Variants in HTR1F observed in about 807,000 individuals in gnomAD.
HTR1F encodes 5-hydroxytryptamine receptor 1F.
Under a neutral mutation model 24.0 loss-of-function variants are expected in HTR1F, and 17 were observed. The ratio of observed to expected loss-of-function variants is 0.71; its 90% confidence interval spans 0.48 to 1.06. The LOEUF is 1.06. Among genes scored for constraint, HTR1F ranks in the 50% least tolerant of loss-of-function variants. The pLI is 0.00. For missense variants in HTR1F, 391 were observed against 427.8 expected (o/e 0.91, Z 0.76); for synonymous variants, 186 against 156.8 (o/e 1.19, Z -1.39).
rs60414125 is a variant in HTR1F, at chr3:87,832,316, C to CTT, written c.-43+10210_-43+10211dup. Among the ~76,000 whole-genome samples, 91 of 125,510 alleles carry CTT rather than the reference C, an allele frequency of 7.3e-4. 1 individual carries two copies. The highest frequency in any genetic ancestry group is 1.1e-3 in the Non-Finnish European group (68 of 60,432). 82.3% of individuals were successfully genotyped at this position (125,510 alleles called of 152,430 possible). ...AAACACACACATAAGAATATCCCTT[C>CTT]TTTTTTTTTTTTTTTTTTTCTTTTT... On this transcript the variant is annotated intron_variant, in intron 2 of 2. Coordinates refer to ENST00000319595, the MANE Select transcript of HTR1F (RefSeq NM_001322209.2).
chr3:87,928,399 A>C (rs1307796176), intron 2 of HTR1F, among the ~76,000 whole-genome samples: 14 of 152,106 alleles, frequency 9.2e-5, no homozygotes, highest in Non-Finnish European at 1.5e-5. Context: ...TGAATTGAAC[A>C]TTTTATTTGG....
chr3:87,874,453 A>T (rs1705625512), intron 2 of HTR1F, among the ~76,000 whole-genome samples: 1 of 152,158 alleles, frequency 6.6e-6, no homozygotes, highest in South Asian at 2.1e-4. Flanking sequence ...AGACTTGTAC[A>T]TGGAAAACTA....
rs1705106223 is a variant in HTR1F, at chr3:87,963,554, TC to T, written c.-42-27152del. Among the ~76,000 whole-genome samples, 4 of 152,140 alleles carry T rather than the reference TC, an allele frequency of 2.6e-5. No homozygotes were observed. The East Asian group carries it at 7.7e-4, about 29-fold the overall frequency. On this transcript the variant is annotated intron_variant, in intron 2 of 2. Coordinates refer to ENST00000319595, the MANE Select transcript of HTR1F (RefSeq NM_001322209.2). ...TTGTCCTCCAAGATGACAATAACTATCCTCTCTCCTCCAACGTGGCAACCTC... is the reference window on the plus strand; with the variant it reads ...TTGTCCTCCAAGATGACAATAACTATCTCTCTCCTCCAACGTGGCAACCTC...
intron 2 of HTR1F, among the ~76,000 whole-genome samples, chr3:87,916,548 G>A (rs544727449): frequency 6.6e-6 from 1 of 151,952 alleles, no homozygotes; most frequent in South Asian, 2.1e-4. Flanking sequence ...ACATTTCATG[G>A]ACATGAAAAG....
At chr3:87,884,709 T>A (rs1017421742) in intron 2 of HTR1F, among the ~76,000 whole-genome samples, 3 of 152,040 alleles carry the variant, frequency 2.0e-5, no homozygotes, top group African/African-American at 7.2e-5. Context: ...CGTAGTCTGA[T>A]AAAACAGACT....
chr3:87,860,394 A>G (rs1167600799), intron 2 of HTR1F, among the ~76,000 whole-genome samples: 5 of 152,198 alleles, frequency 3.3e-5, no homozygotes, highest in African/African-American at 1.2e-4. Flanking sequence ...GTATTTTTGC[A>G]GAGAACATTA....
chr3:87,888,043 A>G (rs1705995743), intron 2 of HTR1F, among the ~76,000 whole-genome samples: 1 of 152,240 alleles, frequency 6.6e-6, no homozygotes, highest in South Asian at 2.1e-4. Flanking sequence ...GGCACTGTTC[A>G]CAATAGCAAA....
At chr3:87,900,281 A>G (rs1215013677) in intron 2 of HTR1F, among the ~76,000 whole-genome samples, 1 of 152,182 alleles carries the variant, frequency 6.6e-6, no homozygotes, top group Non-Finnish European at 1.5e-5. Flanking sequence ...ATATATTGGG[A>G]TATATTGGAA....
chr3:87,891,056 G>C (rs1706071325), intron 2 of HTR1F, among the ~76,000 whole-genome samples: 1 of 151,890 alleles, frequency 6.6e-6, no homozygotes, highest in Non-Finnish European at 1.5e-5. Flanking sequence ...GGCCAGCCTG[G>C]TCTTGAACTC....
chr3:87,938,549 C>T (rs1316765279), intron 2 of HTR1F, among the ~76,000 whole-genome samples: 1 of 152,082 alleles, frequency 6.6e-6, no homozygotes, highest in African/African-American at 2.4e-5. Flanking sequence ...TACTACAAGG[C>T]TACAGTAATT....
chr3:87,834,507 G>A (rs1320594252), intron 2 of HTR1F, among the ~76,000 whole-genome samples: 2 of 151,698 alleles, frequency 1.3e-5, no homozygotes, highest in East Asian at 1.9e-4. Flanking sequence ...GAAAGTCAAC[G>A]TGAGGTGGCG....
At chr3:87,796,897 G>A (rs1321642781) in intron 1 of HTR1F, among the ~76,000 whole-genome samples, 1 of 152,170 alleles carries the variant, frequency 6.6e-6, no homozygotes, top group Non-Finnish European at 1.5e-5. Flanking sequence ...GATGTTCACA[G>A]TTACTCTTTG....
intron 1 of HTR1F, chr3:87,793,441 A>G (rs781056828): frequency 1.3e-5 from 2 of 151,846 alleles, no homozygotes; most frequent in Non-Finnish European, 2.9e-5. Context: ...GGTCAGAGAG[A>G]GCTTCTACCT....
chr3:87,859,666 T>C (rs1503435), intron 2 of HTR1F, among the ~76,000 whole-genome samples: 1 of 152,174 alleles, frequency 6.6e-6, no homozygotes, highest in African/African-American at 2.4e-5. Flanking sequence ...TGAGGTTTCC[T>C]AGGCAGAGCC....
chr3:87,898,432 A>G (rs1469359361), intron 2 of HTR1F, among the ~76,000 whole-genome samples: 1 of 152,152 alleles, frequency 6.6e-6, no homozygotes, highest in Non-Finnish European at 1.5e-5. Flanking sequence ...CTAAGCAAAG[A>G]CAGAATGGGT....
chr3:87,936,784 C>A (rs1203994303), intron 2 of HTR1F, among the ~76,000 whole-genome samples: 1 of 151,984 alleles, frequency 6.6e-6, no homozygotes, highest in East Asian at 1.9e-4. Flanking sequence ...GTTTACTACC[C>A]ACTAGGAGAT....
intron 2 of HTR1F, among the ~76,000 whole-genome samples, chr3:87,930,698 T>C (rs1424581135): frequency 1.3e-5 from 2 of 152,164 alleles, no homozygotes; most frequent in Admixed American, 6.5e-5. Flanking sequence ...CAGTATTTTG[T>C]TGAGGATTTT....
At chr3:87,829,802 C>A (rs1575917838) in intron 2 of HTR1F, among the ~76,000 whole-genome samples, 1 of 152,100 alleles carries the variant, frequency 6.6e-6, no homozygotes, top group Admixed American at 6.5e-5. Flanking sequence ...ATAATTTATT[C>A]TTGTAATTTA....
At position 87,845,880 on chromosome 3, in the gene HTR1F, T is replaced by C. The variant is rs115665557; in HGVS notation, c.-43+23756T>C. Among the ~76,000 whole-genome samples the C allele has an allele frequency of 9.7e-3, 1,479 of 152,074 alleles. 50 individuals are homozygous for C. The highest frequency in any genetic ancestry group is 0.033 in the African/African-American group (1,366 of 41,352). ...TTCCTCTGCAAATATTATTTTGGTG[T>C]TTTCACTCACAAATTTGTCCATTGG... is the stretch of plus-strand genomic sequence containing the variant. On this transcript the variant is annotated intron_variant, in intron 2 of 2. Transcript: ENST00000319595.
Sources: gnomAD v4.1 joint callset for allele counts (sites outside exome capture counted in the v4.1 genomes callset) on GRCh38, gnomAD v4.1.1 for gene constraint, MANE v1.5 for transcripts, NCBI Gene and HGNC (gene_info 2026-07-23, HGNC 2026-07-21) for gene names.